The following ACAD11 variants were observed in gnomAD, a reference collection of about 807,000 sequenced individuals.
ACAD11 encodes the protein acyl-Coenzyme A dehydrogenase family, member 11.
A neutral mutation model predicts 102.2 loss-of-function variants in ACAD11; 83 were observed. The observed-to-expected ratio is 0.81, with a 90% confidence interval of 0.68 to 0.97. The LOEUF (loss-of-function observed/expected upper bound fraction) is 0.97, where lower values mean the gene tolerates loss of function less well. ACAD11 is among the 50% of genes least tolerant of loss of function. ACAD11 has a pLI of 0.00. For synonymous variants in ACAD11, 324 were observed against 319.8 expected (o/e 1.01, Z -0.14); for missense variants, 901 against 951.7 (o/e 0.95, Z 0.70).
chr3:132,565,781 C>G (rs1220270113), intron 17 of ACAD11, among the ~76,000 whole-genome samples: 2 of 152,074 alleles, frequency 1.3e-5, no homozygotes, highest in Non-Finnish European at 2.9e-5. Context: ...GGATGTCCCC[C>G]CTTATCTCTC....
At position 132,577,011 on chromosome 3, in the gene ACAD11, A is replaced by G; in HGVS notation, c.1779T>C (p.Asn593=). Residue 593 remains asparagine (N), a synonymous_variant, in exon 16 of 20, where the codon AAT becomes AAC. Coordinates refer to ENST00000264990, the MANE Select transcript of ACAD11 (RefSeq NM_032169.5). ...RPLSVFGYTD[N]FHGGHFEIHF... ...GGATCTCAAAATGTCCTCCATGAAAATTATCTATAAAATAGAAAATAAAAT... is the reference window on the plus strand; with the variant it reads ...GGATCTCAAAATGTCCTCCATGAAAGTTATCTATAAAATAGAAAATAAAAT... The G allele has an allele frequency of 6.3e-7, 1 of 1,597,954 alleles. No individual in the cohort carries two copies. The highest frequency in any genetic ancestry group is 1.3e-5 in the African/African-American group (1 of 74,714).
At chr3:132,642,547 G>A (rs1168602363) in intron 3 of ACAD11, 130 bp downstream of exon 3, 2 of 1,048,358 alleles carry the variant, frequency 1.9e-6, no homozygotes, top group Non-Finnish European at 2.7e-6. Context: ...GTAAACCTTT[G>A]CAATGCAATC....
chr3:132,597,906 T>C (rs1349180349), intron 13 of ACAD11, among the ~76,000 whole-genome samples: 2 of 152,302 alleles, frequency 1.3e-5, no homozygotes, highest in Admixed American at 6.5e-5. Context: ...GTCTTCCAGA[T>C]TGGAACTTTT....
rs758703906 is a variant in ACAD11 at position 132,644,802 on chromosome 3, G to A, written c.244C>T (p.His82Tyr). 1.9e-6 allele frequency: 3 copies of A among 1,600,598 alleles called. No homozygotes were observed. The highest frequency in any genetic ancestry group is 2.2e-5 in the South Asian group (2 of 89,438). Residue 82 changes from histidine to tyrosine, a missense_variant, in exon 2 of 20, where the codon CAT becomes TAT. His to Tyr is a moderately conservative substitution (Grantham distance 83). Coordinates refer to ENST00000264990, the MANE Select transcript of ACAD11 (RefSeq NM_032169.5). ...ATTACATTTGTATACTATACCTGATGTGCTTTAGGAAGAAGTGAACCTGGT... is the reference window on the plus strand; with the variant it reads ...ATTACATTTGTATACTATACCTGATATGCTTTAGGAAGAAGTGAACCTGGT... The part of the protein sequence containing the change: ...KPPGSLLPKA[H>Y]QIDREFKVQK...
chr3:132,578,071 G>A (rs938216099), intron 15 of ACAD11, among the ~76,000 whole-genome samples: 4 of 152,120 alleles, frequency 2.6e-5, no homozygotes, highest in Non-Finnish European at 5.9e-5. Context: ...TAAAAAGAAA[G>A]CCAGGGGCTG....
intron 13 of ACAD11, among the ~76,000 whole-genome samples, chr3:132,594,730 G>T (rs1938225908): frequency 6.6e-6 from 1 of 152,084 alleles, no homozygotes; most frequent in Non-Finnish European, 1.5e-5. Flanking sequence ...ACTAAAATAG[G>T]GTGGGAAGAG....
chr3:132,638,978 T>A (rs1425759402), intron 5 of ACAD11, among the ~76,000 whole-genome samples: 1 of 152,204 alleles, frequency 6.6e-6, no homozygotes, highest in African/African-American at 2.4e-5. Context: ...TTGTTTATAC[T>A]CTTTATAAAG....
At chr3:132,621,048 A>G (rs1939589329) in intron 9 of ACAD11, 2 of 152,242 alleles carry the variant, frequency 1.3e-5, no homozygotes, top group South Asian at 4.1e-4. Context: ...GAATATAATG[A>G]ATTCAAAAAG....
At chr3:132,568,008 A>C (rs1937262740) in intron 17 of ACAD11, among the ~76,000 whole-genome samples, 1 of 152,188 alleles carries the variant, frequency 6.6e-6, no homozygotes, top group Non-Finnish European at 1.5e-5. Flanking sequence ...AAGTGAGTTC[A>C]GCGAGGCCAC....
In ACAD11 at chr3:132,626,545, C is replaced by T. The variant is rs567375977; in HGVS notation, c.1197+146G>A. The T allele has an allele frequency of 7.3e-5, 62 of 845,474 alleles. 1 individual carries two copies. The South Asian group carries it at 9.4e-4, about 13-fold the overall frequency. The allele number at this position is 845,474 out of a possible 1,614,324, so 52.4% of individuals were successfully genotyped here. A position where few individuals can be genotyped will look rare whatever the true frequency, so the allele number is the denominator to read the frequency against. On this transcript the variant is annotated intron_variant, in intron 9 of 19. Coordinates refer to ENST00000264990, the MANE Select transcript of ACAD11 (RefSeq NM_032169.5). The stretch of plus-strand genomic sequence containing the variant: ...TATCTGTGCATTCCCTTTGTTCTAT[C>T]GTGGCTTAGTTCTAAGGTGAGAAGA...
chr3:132,643,728 G>T (rs898418621), intron 2 of ACAD11, among the ~76,000 whole-genome samples: 1 of 152,184 alleles, frequency 6.6e-6, no homozygotes, highest in Non-Finnish European at 1.5e-5. Context: ...TGGGAAACGA[G>T]GGGGAGGGGG....
rs768430179 is a variant in ACAD11 at position 132,575,880 on chromosome 3, G to A, written c.1893C>T (p.Gly631=). Residue 631 remains glycine (G), a synonymous_variant, in exon 17 of 20, where the codon GGC becomes GGT. Transcript: ENST00000264990. ...CTGTTCTCATACAGTGGTGGATTCT[G>A]CCAGGTCCAAGGCGGCCTTGGGAAA... The part of the protein sequence containing the change: ...FEISQGRLGP[G]RIHHCMRTVG... 6.2e-7 allele frequency: 1 copy of A among 1,614,028 alleles called. No individual in the cohort carries two copies. Among genetic ancestry groups the A allele is most frequent in the South Asian group, 1.1e-5 (1 of 91,070 alleles).
chr3:132,644,124 C>T (rs188962559), intron 2 of ACAD11, among the ~76,000 whole-genome samples: 158 of 152,224 alleles, frequency 1.0e-3, no homozygotes, highest in Middle Eastern at 3.4e-3. Context: ...ATTAAGCCTA[C>T]CCCACAATTG....
rs1214813521 is a variant in ACAD11, at chr3:132,628,437, T to G, written c.973A>C (p.Ser325Arg). The part of the protein sequence containing the change: ...KMAGIAQGVY[S>R]RYLLGNNSSE... The stretch of plus-strand genomic sequence containing the variant: ...GAATTATTTCCCAGAAGATATCTGC[T>G]ATATACTCCCTATAAATAAACATAG... Residue 325 changes from serine (S) to arginine (R), a missense_variant, in exon 8 of 20, where the codon AGC (serine) becomes CGC (arginine). Coordinates refer to ENST00000264990, the MANE Select transcript of ACAD11 (RefSeq NM_032169.5). 1 of 1,593,216 alleles carries G rather than the reference T, an allele frequency of 6.3e-7. No homozygotes were observed. Among genetic ancestry groups the G allele is most frequent in the Non-Finnish European group, 8.6e-7 (1 of 1,166,348 alleles).
At chr3:132,659,286 G>T (rs745947971) in intron 1 of ACAD11, among the ~76,000 whole-genome samples, 3 of 152,186 alleles carry the variant, frequency 2.0e-5, no homozygotes, top group African/African-American at 4.8e-5. Flanking sequence ...ACAAAAGAAG[G>T]CATCTATTTC....
chr3:132,619,043 A>G, intron 10 of ACAD11: 1 of 347,320 alleles, frequency 2.9e-6, no homozygotes, highest in Non-Finnish European at 5.1e-6. Context: ...TTCTTCTGGA[A>G]TCAGAACTAT....
At chr3:132,616,879 AAG>A (rs1939427857) in intron 11 of ACAD11, among the ~76,000 whole-genome samples, 1 of 152,226 alleles carries the variant, frequency 6.6e-6, no homozygotes, top group African/African-American at 2.4e-5. Context: ...GTGTTTGGAA[AAG>A]AGATAATCAT....
chr3:132,588,203 A>G (rs564352051), intron 13 of ACAD11, among the ~76,000 whole-genome samples: 14 of 152,020 alleles, frequency 9.2e-5, no homozygotes. Context: ...GTATGTATGT[A>G]TGTATGTATG....
intron 8 of ACAD11, among the ~76,000 whole-genome samples, chr3:132,627,687 A>C (rs1316881071): frequency 6.6e-6 from 1 of 152,238 alleles, no homozygotes; most frequent in East Asian, 1.9e-4. Flanking sequence ...AATAAAATAA[A>C]GAAGACCTGT....
Sources: gnomAD v4.1 joint callset for allele counts (sites outside exome capture counted in the v4.1 genomes callset) on GRCh38, gnomAD v4.1.1 for gene constraint, MANE v1.5 for transcripts, NCBI Gene and HGNC (gene_info 2026-07-23, HGNC 2026-07-21) for gene names.